Variants in PTPN4 observed in about 807,000 individuals in gnomAD.
PTPN4 encodes protein tyrosine phosphatase non-receptor type 4.
A neutral mutation model predicts 135.5 loss-of-function variants in PTPN4; 49 were observed. That is an observed-to-expected ratio of 0.36 (90% CI 0.29 to 0.46). The LOEUF (loss-of-function observed/expected upper bound fraction) is 0.46. Among genes scored for constraint, PTPN4 ranks in the 20% least tolerant of loss-of-function variants. PTPN4 has a pLI of 1.00. For missense variants in PTPN4, 860 were observed against 1,101.0 expected, an observed-to-expected ratio of 0.78 and a Z score of 3.10; for synonymous variants, 333 against 369.9, an observed-to-expected ratio of 0.90 and a Z score of 1.14.
Position 119,934,907 on chromosome 2 carries a change from A to G in PTPN4, c.1304A>G (p.Gln435Arg). Residue 435 changes from glutamine (Q) to arginine (R), a missense_variant, in exon 15 of 27, where the codon CAG becomes CGG. By Grantham distance (43) the Gln-to-Arg change is conservative. This residue lies in a region of PTPN4 where 684 missense variants were observed against 807.0 expected (regional missense o/e 0.85). Transcript: ENST00000263708. ...TCCCCAAGCGAAGTGTTTGTAAATCAGAGATCTCCGTCATCAACACAAGCT... is the reference window on the plus strand; with the variant it reads ...TCCCCAAGCGAAGTGTTTGTAAATCGGAGATCTCCGTCATCAACACAAGCT... ...HTSPSEVFVNQRSPSSTQANS... is the reference protein window; with the variant it reads ...HTSPSEVFVNRRSPSSTQANS... 3.7e-6 allele frequency: 6 copies of G among 1,613,932 alleles called. No individual in the cohort carries two copies. In the South Asian group the frequency reaches 5.5e-5, roughly 15 times the overall value.
rs2104962826 is a variant in PTPN4, at chr2:119,830,764, C to T, written c.138+20773C>T. ...GGCATGAGCCACCGTGCCTGGCTCA[C>T]CCTCTCTCTCCTGCACCTGCTTCTG... On this transcript the variant is annotated intron_variant, in intron 2 of 26. Transcript: ENST00000263708. 2.0e-5 allele frequency among the ~76,000 whole-genome samples: 3 copies of T among 152,162 alleles called. 1 individual carries two copies. The South Asian group carries it at 6.2e-4, about 32-fold the overall frequency.
intron 1 of PTPN4, among the ~76,000 whole-genome samples, chr2:119,775,814 TATATC>T (rs1558721818): frequency 6.8e-6 from 1 of 146,748 alleles, no homozygotes; most frequent in Non-Finnish European, 1.5e-5. Context: ...TATCTATATC[TATATC>T]TATATCTATA....
intron 1 of PTPN4, among the ~76,000 whole-genome samples, chr2:119,767,277 G>T (rs1690645481): frequency 6.6e-6 from 1 of 152,022 alleles, no homozygotes; most frequent in African/African-American, 2.4e-5. Flanking sequence ...CTCATTTCTG[G>T]TCCTACATTT....
At chr2:119,832,742 CT>C (rs565968570) in intron 2 of PTPN4, among the ~76,000 whole-genome samples, 10 of 150,456 alleles carry the variant, frequency 6.6e-5, no homozygotes, top group African/African-American at 1.2e-4. Context: ...ATTCTTGTAC[CT>C]TTTTTTTTAC....
chr2:119,823,960 C>T (rs1677108290), intron 2 of PTPN4, among the ~76,000 whole-genome samples: 1 of 152,198 alleles, frequency 6.6e-6, no homozygotes, highest in Admixed American at 6.5e-5. Context: ...TGTGGAAAGA[C>T]AACATGCTAT....
At chr2:119,879,703 T>C (rs1678042887) in intron 5 of PTPN4, among the ~76,000 whole-genome samples, 2 of 152,132 alleles carry the variant, frequency 1.3e-5, no homozygotes, top group Admixed American at 1.3e-4. Flanking sequence ...AATGTGATGG[T>C]TATGATTAGT....
chr2:119,925,212 G>A (rs10196708), intron 12 of PTPN4, among the ~76,000 whole-genome samples: 51,954 of 151,924 alleles, frequency 0.34, 9,460 homozygotes, highest in African/African-American at 0.47. Flanking sequence ...GCCAGCAGCT[G>A]CCAGTTTCCT....
chr2:119,964,229 T>C (rs1679413776), intron 24 of PTPN4, among the ~76,000 whole-genome samples: 1 of 152,226 alleles, frequency 6.6e-6, no homozygotes, highest in Admixed American at 6.5e-5. Context: ...ATGGAGTCTT[T>C]TTAGCATAAG....
At chr2:119,968,462 TG>T (rs1679476293) in intron 26 of PTPN4, among the ~76,000 whole-genome samples, 1 of 152,130 alleles carries the variant, frequency 6.6e-6, no homozygotes, top group Non-Finnish European at 1.5e-5. Context: ...GAAATAGCTG[TG>T]GTGAAATTGT....
At chr2:119,923,908 C>T (rs1056894967) in intron 12 of PTPN4, among the ~76,000 whole-genome samples, 3 of 152,002 alleles carry the variant, frequency 2.0e-5, no homozygotes, top group Non-Finnish European at 4.4e-5. Flanking sequence ...GAGGTCGAGG[C>T]GGGCGGATCA....
At chr2:119,842,215 C>G (rs993966029) in intron 2 of PTPN4, among the ~76,000 whole-genome samples, 2 of 152,116 alleles carry the variant, frequency 1.3e-5, no homozygotes, top group African/African-American at 4.8e-5. Flanking sequence ...TATTGCATTT[C>G]TAATCTAAGG....
intron 10 of PTPN4, among the ~76,000 whole-genome samples, chr2:119,911,713 C>G (rs1299843431): frequency 1.3e-5 from 2 of 151,892 alleles, no homozygotes; most frequent in African/African-American, 2.4e-5. Context: ...AGTATAATGG[C>G]TTTCCTTGTA....
intron 12 of PTPN4, among the ~76,000 whole-genome samples, chr2:119,922,218 TAAA>T (rs34480531): frequency 0.11 from 12,840 of 120,658 alleles, 1,083 homozygotes; most frequent in African/African-American, 0.25. Context: ...CAATCTGATT[TAAA>T]AAAAAAAAAA....
chr2:119,836,802 G>T (rs1180745026), intron 2 of PTPN4, among the ~76,000 whole-genome samples: 1 of 152,172 alleles, frequency 6.6e-6, no homozygotes, highest in African/African-American at 2.4e-5. Context: ...GACCTAGCTG[G>T]GTGTGTGTGT....
chr2:119,849,976 T>C (rs190494641), intron 2 of PTPN4, among the ~76,000 whole-genome samples: 14 of 152,272 alleles, frequency 9.2e-5, no homozygotes, highest in Non-Finnish European at 2.1e-4. Context: ...GGATAGTTCT[T>C]GAGGCCAATC....
At chr2:119,861,400 C>G (rs1172588569) in intron 2 of PTPN4, among the ~76,000 whole-genome samples, 1 of 152,144 alleles carries the variant, frequency 6.6e-6, no homozygotes, top group East Asian at 1.9e-4. Flanking sequence ...GGGACAAACT[C>G]AAACCATTGC....
At position 119,768,179 on chromosome 2, in the gene PTPN4, T is replaced by A. The variant is rs183564932; in HGVS notation, c.-18+7795T>A. On this transcript the variant is annotated intron_variant, in intron 1 of 26. Coordinates refer to ENST00000263708, the MANE Select transcript of PTPN4 (RefSeq NM_002830.4). The stretch of plus-strand genomic sequence containing the variant: ...TTACTGTCATTTTAAAATTTCATTT[T>A]GTTGGTCAAATTGTCCCAAATTTGG... Among the ~76,000 whole-genome samples the A allele has an allele frequency of 5.9e-5, 9 of 152,368 alleles. 1 individual carries two copies. The East Asian group carries it at 1.4e-3, about 23-fold the overall frequency.
At chr2:119,970,098 T>C (rs150946211) in intron 26 of PTPN4, among the ~76,000 whole-genome samples, 26 of 151,572 alleles carry the variant, frequency 1.7e-4, no homozygotes, top group African/African-American at 5.1e-4. Context: ...TCGCTCCTGT[T>C]GCCCAGGCTG....
chr2:119,777,918 A>G (rs1466832979), intron 1 of PTPN4, among the ~76,000 whole-genome samples: 2 of 152,034 alleles, frequency 1.3e-5, no homozygotes, highest in South Asian at 2.1e-4. Flanking sequence ...AGCCTCTCAA[A>G]GTGCTGGGAT....
Sources: gnomAD v4.1 joint callset for allele counts (sites outside exome capture counted in the v4.1 genomes callset) on GRCh38, gnomAD v4.1.1 for gene constraint, gnomAD v4.1.1 regional missense constraint, MANE v1.5 for transcripts, NCBI Gene and HGNC (gene_info 2026-07-23, HGNC 2026-07-21) for gene names.